DCC: variants seen among roughly 807,000 people sequenced by gnomAD.
DCC encodes netrin receptor DCC.
Under a neutral mutation model 172.5 loss-of-function variants are expected in DCC, and 58 were observed. The ratio of observed to expected loss-of-function variants is 0.34; its 90% CI spans 0.27 to 0.42. DCC has a LOEUF of 0.42. Among genes scored for constraint, DCC ranks in the 10% least tolerant of loss-of-function variants. DCC has a pLI of 1.00. For synonymous variants in DCC, 709 were observed against 644.5 expected (o/e 1.10, Z -1.52); for missense variants, 1,740 against 1,791.0 (o/e 0.97, Z 0.51).
chr18:53,301,785 C>G (rs747209109), intron 12 of DCC, among the ~76,000 whole-genome samples: 12 of 152,092 alleles, frequency 7.9e-5, no homozygotes, highest in Admixed American at 2.0e-4. Context: ...AATCTTTTCT[C>G]TTTTTTCTAC....
chr18:52,823,262 A>G (rs552051273), intron 2 of DCC, among the ~76,000 whole-genome samples: 2 of 152,232 alleles, frequency 1.3e-5, no homozygotes, highest in Non-Finnish European at 2.9e-5. Flanking sequence ...TGAGGCCAGG[A>G]GTTTGAGACC....
intron 12 of DCC, among the ~76,000 whole-genome samples, chr18:53,250,961 G>A (rs2056423374): frequency 6.6e-6 from 1 of 151,886 alleles, no homozygotes; most frequent in South Asian, 2.1e-4. Flanking sequence ...GAGCCTTGTT[G>A]TGCATGGTTT....
chr18:53,197,419 GTTTTTT>G lies in DCC; in HGVS notation c.1574-7781_1574-7776del, dbSNP rs11427253. 6.7e-5 allele frequency among the ~76,000 whole-genome samples: 8 copies of G among 119,522 alleles called. No individual in the cohort carries two copies. The East Asian group carries it at 1.5e-3, about 22-fold the overall frequency. The allele number at this position is 119,522 out of a possible 152,430, so 78.4% of individuals were successfully genotyped here. On this transcript the variant is annotated intron_variant, in intron 9 of 28. Transcript: ENST00000442544. ...TTTCTTCAAATCCACTTTTATTTTA[GTTTTTT>G]TTTTTTTTTTTTTTTAACAGTGGCT...
At chr18:52,798,360 A>G (rs1188679863) in intron 2 of DCC, among the ~76,000 whole-genome samples, 1 of 152,168 alleles carries the variant, frequency 6.6e-6, no homozygotes, top group Non-Finnish European at 1.5e-5. Flanking sequence ...CTGCAGAGGA[A>G]GTTTCTTTTC....
At chr18:53,079,490 A>G (rs2042768896) in intron 7 of DCC, among the ~76,000 whole-genome samples, 1 of 152,146 alleles carries the variant, frequency 6.6e-6, no homozygotes, top group African/African-American at 2.4e-5. Context: ...CATACTAATG[A>G]TGTAGTTACT....
chr18:53,168,979 T>C (rs906537358), intron 8 of DCC, among the ~76,000 whole-genome samples: 14 of 152,076 alleles, frequency 9.2e-5, no homozygotes, highest in Admixed American at 2.6e-4. Context: ...ATAGCAAAAA[T>C]TGAGAAGACT....
At chr18:52,461,613 C>G (rs1313583305) in intron 1 of DCC, among the ~76,000 whole-genome samples, 1 of 152,186 alleles carries the variant, frequency 6.6e-6, no homozygotes, top group Non-Finnish European at 1.5e-5. Flanking sequence ...CAGCTACAAC[C>G]TCACTAGGCC....
chr18:52,686,704 G>A (rs1172121388), intron 1 of DCC, among the ~76,000 whole-genome samples: 1 of 152,108 alleles, frequency 6.6e-6, no homozygotes, highest in Non-Finnish European at 1.5e-5. Context: ...TGATCCATGA[G>A]CTCCTTTGCA....
chr18:53,436,726 C>A (rs923693369), intron 22 of DCC, among the ~76,000 whole-genome samples: 1 of 152,098 alleles, frequency 6.6e-6, no homozygotes, highest in Non-Finnish European at 1.5e-5. Flanking sequence ...ACACGTAGAA[C>A]GTCTTATGTT....
At position 53,390,521 on chromosome 18, in the gene DCC, A is replaced by G. The variant is rs147330023; in HGVS notation, c.2456-1134A>G. Among the ~76,000 whole-genome samples the G allele has an allele frequency of 3.6e-3, 542 of 152,282 alleles. 1 individual carries two copies. The highest frequency in any genetic ancestry group is 6.8e-3 in the Middle Eastern group (2 of 294). Reference sequence around the variant, plus strand: ...AGTAGGTCTCATCTCCCCAAATGTTATCATATGCCCAGCCTGAGAGTTATA... The same window carrying G: ...AGTAGGTCTCATCTCCCCAAATGTTGTCATATGCCCAGCCTGAGAGTTATA... On this transcript the variant is annotated intron_variant, in intron 16 of 28. Coordinates refer to ENST00000442544, the MANE Select transcript of DCC (RefSeq NM_005215.4).
At chr18:53,397,878 T>G (rs1294931491) in intron 18 of DCC, among the ~76,000 whole-genome samples, 1 of 152,178 alleles carries the variant, frequency 6.6e-6, no homozygotes, top group Non-Finnish European at 1.5e-5. Flanking sequence ...TCATGGATAT[T>G]TACTGTGAAT....
intron 1 of DCC, among the ~76,000 whole-genome samples, chr18:52,430,426 G>A (rs1408450841): frequency 6.6e-6 from 1 of 152,064 alleles, no homozygotes; most frequent in African/African-American, 2.4e-5. Context: ...GATGTGAGGT[G>A]TAGGGATAAG....
At chr18:53,071,173 C>T (rs1370180362) in intron 7 of DCC, among the ~76,000 whole-genome samples, 1 of 152,202 alleles carries the variant, frequency 6.6e-6, no homozygotes, top group Non-Finnish European at 1.5e-5. Context: ...CGGATATTTA[C>T]ATAAGCCTAA....
intron 2 of DCC, among the ~76,000 whole-genome samples, chr18:52,870,052 C>T (rs552070188): frequency 6.6e-6 from 1 of 152,208 alleles, no homozygotes; most frequent in South Asian, 2.1e-4. Context: ...ACACTGTTCC[C>T]CTGCCAGTGG....
chr18:53,311,538 T>C (rs1355502040), intron 13 of DCC, among the ~76,000 whole-genome samples: 2 of 152,258 alleles, frequency 1.3e-5, no homozygotes, highest in African/African-American at 4.8e-5. Flanking sequence ...CTCCTCATTA[T>C]GTGCTCCTTT....
intron 7 of DCC, among the ~76,000 whole-genome samples, chr18:53,069,599 C>A (rs2144101438): frequency 6.8e-6 from 1 of 147,632 alleles, no homozygotes; most frequent in East Asian, 2.0e-4. Context: ...CTGAAGAACT[C>A]ACAGAACTGC....
At chr18:53,092,412 G>C (rs1308290216) in intron 7 of DCC, among the ~76,000 whole-genome samples, 1 of 152,144 alleles carries the variant, frequency 6.6e-6, no homozygotes, top group Non-Finnish European at 1.5e-5. Context: ...TAAATTAATA[G>C]AGGAATCAAT....
chr18:53,477,429 C>A (rs1406241900), intron 25 of DCC, among the ~76,000 whole-genome samples: 1 of 152,122 alleles, frequency 6.6e-6, no homozygotes. Context: ...TGATTTTATT[C>A]AGGAGAGTAG....
chr18:53,326,555 A>G (rs1360566405), intron 14 of DCC, among the ~76,000 whole-genome samples: 2 of 152,236 alleles, frequency 1.3e-5, no homozygotes, highest in Non-Finnish European at 2.9e-5. Flanking sequence ...AATGAACAAG[A>G]TCAATAGTGG....
Sources: allele counts gnomAD v4.1 joint callset (sites outside exome capture counted in the v4.1 genomes callset), GRCh38; gene constraint gnomAD v4.1.1; transcripts MANE v1.5; gene names NCBI Gene and HGNC (gene_info 2026-07-23, HGNC 2026-07-21).